PRSS12: variants seen among roughly 807,000 people sequenced by gnomAD.
The protein encoded by PRSS12 is neurotrypsin.
A neutral mutation model predicts 104.4 loss-of-function variants in PRSS12; 85 were observed. The ratio of observed to expected loss-of-function variants is 0.81; its 90% CI spans 0.68 to 0.98. The LOEUF (loss-of-function observed/expected upper bound fraction) is 0.98. Ranked by LOEUF, PRSS12 falls within the 50% of genes least tolerant of loss-of-function variation. The pLI, the probability that PRSS12 is intolerant of heterozygous loss-of-function variation, is 0.00. For missense variants in PRSS12, 1,141 were observed against 1,139.2 expected (o/e 1.00, Z -0.02); for synonymous variants, 454 against 425.2 (o/e 1.07, Z -0.83).
intron 5 of PRSS12, among the ~76,000 whole-genome samples, chr4:118,316,837 A>AAAAATATAT (rs35698159): frequency 1.2e-3 from 117 of 99,172 alleles, no homozygotes; most frequent in South Asian, 5.4e-3. Flanking sequence ...AAAAAAAAAA[A>AAAAATATAT]ATATATATAT....
At chr4:118,326,106 A>G (rs953976202) in intron 4 of PRSS12, among the ~76,000 whole-genome samples, 2 of 152,232 alleles carry the variant, frequency 1.3e-5, no homozygotes, top group Admixed American at 6.5e-5. Context: ...TACTGCTTTG[A>G]GGTAGACCTA....
intron 1 of PRSS12, among the ~76,000 whole-genome samples, chr4:118,343,159 C>A (rs986587210): frequency 2.6e-5 from 4 of 151,836 alleles, no homozygotes; most frequent in African/African-American, 7.3e-5. Context: ...GAGGCCAAGG[C>A]AGGAGGACTG....
chr4:118,282,696 C>G, intron 12 of PRSS12, 135 bp downstream of exon 12: 1 of 1,156,120 alleles, frequency 8.6e-7, no homozygotes, highest in South Asian at 1.2e-5. Flanking sequence ...CAATTACATG[C>G]ATGCATTTCA....
intron 1 of PRSS12, 80 bp downstream of exon 1, chr4:118,352,139 A>T (rs1360344935): frequency 1.3e-6 from 2 of 1,572,854 alleles, no homozygotes; most frequent in Admixed American, 1.8e-5. Context: ...CACTTTTTCC[A>T]AGAGACCTGT....
chr4:118,318,164 A>C (rs111609187), intron 5 of PRSS12, among the ~76,000 whole-genome samples: 7 of 152,362 alleles, frequency 4.6e-5, no homozygotes, highest in African/African-American at 1.4e-4. Context: ...TAGCTTTACA[A>C]GACTATATAG....
chr4:118,327,284 T>A (rs1338249577), intron 4 of PRSS12, among the ~76,000 whole-genome samples: 2 of 152,108 alleles, frequency 1.3e-5, no homozygotes, highest in Non-Finnish European at 2.9e-5. Context: ...TCTGAGTAGC[T>A]GGGACCACCA....
At position 118,280,894 on chromosome 4, in the gene PRSS12, A is replaced by C. The variant is rs1471997412; in HGVS notation, c.*1042T>G. Reference sequence around the variant, plus strand: ...CCCCCATTTGAAAACAAGGGCTACTACCATAAGATTTACTGGCCTTTTGCA... The same window carrying C: ...CCCCCATTTGAAAACAAGGGCTACTCCCATAAGATTTACTGGCCTTTTGCA... On this transcript the variant is annotated 3_prime_UTR_variant, in exon 13 of 13. Transcript: ENST00000296498. The C allele has an allele frequency of 6.6e-6, 1 of 152,238 alleles. No homozygotes were observed. Among genetic ancestry groups the C allele is most frequent in the Non-Finnish European group, 1.5e-5 (1 of 68,048 alleles). 9.4% of individuals were successfully genotyped at this position (152,238 alleles called of 1,614,324 possible).
At chr4:118,313,977 A>G (rs1743830666) in intron 6 of PRSS12, among the ~76,000 whole-genome samples, 1 of 152,220 alleles carries the variant, frequency 6.6e-6, no homozygotes, top group Non-Finnish European at 1.5e-5. Flanking sequence ...TTGTGTTCCA[A>G]TTGAGTGTAT....
intron 2 of PRSS12, among the ~76,000 whole-genome samples, chr4:118,337,298 C>T (rs1482255711): frequency 4.6e-5 from 7 of 151,960 alleles, no homozygotes; most frequent in Non-Finnish European, 5.9e-5. Context: ...TCCATGCTTT[C>T]TAAAGACCTC....
Position 118,352,852 on chromosome 4 carries a change from C to T in PRSS12, c.-132G>A. 1 of 1,476,370 alleles carries T rather than the reference C, an allele frequency of 6.8e-7. No homozygotes were observed. Among genetic ancestry groups the T allele is most frequent in the Non-Finnish European group, 9.0e-7 (1 of 1,113,720 alleles). 91.5% of individuals were successfully genotyped at this position (1,476,370 alleles called of 1,614,324 possible). The stretch of plus-strand genomic sequence containing the variant: ...CCCCCTCCCGCCCCCGCACGCGGAC[C>T]GCCCTCGCCTCCCCAACCTTGCCTC... On this transcript the variant is annotated 5_prime_UTR_variant, in exon 1 of 13. Transcript: ENST00000296498.
chr4:118,342,034 G>A (rs1227627580), intron 1 of PRSS12, among the ~76,000 whole-genome samples: 1 of 152,216 alleles, frequency 6.6e-6, no homozygotes, highest in Non-Finnish European at 1.5e-5. Context: ...GAACAGGAGA[G>A]AAGTGGCTTT....
chr4:118,352,928 G>A lies in PRSS12; in HGVS notation c.-208C>T. The A allele has an allele frequency of 7.7e-7, 1 of 1,301,710 alleles. No homozygotes were observed. Among genetic ancestry groups the A allele is most frequent in the Non-Finnish European group, 1.0e-6 (1 of 1,004,474 alleles). 80.6% of individuals were successfully genotyped at this position (1,301,710 alleles called of 1,614,324 possible). A position where few individuals can be genotyped will look rare whatever the true frequency, so the allele number is the denominator to read the frequency against. On this transcript the variant is annotated 5_prime_UTR_variant, in exon 1 of 13. Coordinates refer to ENST00000296498, the MANE Select transcript of PRSS12 (RefSeq NM_003619.4). ...CGGCTCCTGTCCCCTGGCGGCGGCC[G>A]CGGGTGGGGAAATCTGGAGCTCAGC...
At chr4:118,313,964 T>C (rs1034176071) in intron 6 of PRSS12, among the ~76,000 whole-genome samples, 3 of 152,250 alleles carry the variant, frequency 2.0e-5, no homozygotes, top group Non-Finnish European at 2.9e-5. Flanking sequence ...TTATCAATTA[T>C]ATTTGTGTTC....
intron 1 of PRSS12, among the ~76,000 whole-genome samples, chr4:118,340,150 T>A (rs1414151494): frequency 6.6e-6 from 1 of 152,190 alleles, no homozygotes; most frequent in Non-Finnish European, 1.5e-5. Context: ...TAAAGTATAA[T>A]TATGACCATA....
chr4:118,320,596 T>C lies in PRSS12; in HGVS notation c.972-2040A>G, dbSNP rs532580336. ...GCAAAACCCCATCTGTACAAAAACATACAAAAATTAGCCAGGTGTGGTGGC... is the reference window on the plus strand; with the variant it reads ...GCAAAACCCCATCTGTACAAAAACACACAAAAATTAGCCAGGTGTGGTGGC... On this transcript the variant is annotated intron_variant, in intron 4 of 12. Transcript: ENST00000296498. Among the ~76,000 whole-genome samples, 3 of 151,770 alleles carry C rather than the reference T, an allele frequency of 2.0e-5. No individual in the cohort carries two copies. The South Asian group carries it at 6.3e-4, about 32-fold the overall frequency.
At chr4:118,352,186 C>T (rs776137136) in intron 1 of PRSS12, 33 bp downstream of exon 1, 4 of 1,609,268 alleles carry the variant, frequency 2.5e-6, no homozygotes, top group African/African-American at 1.3e-5. Context: ...CGAGCCCGTC[C>T]GGAGTTTCCG....
chr4:118,339,291 G>C (rs1254949952), intron 1 of PRSS12, among the ~76,000 whole-genome samples: 1 of 151,972 alleles, frequency 6.6e-6, no homozygotes, highest in Admixed American at 6.6e-5. Flanking sequence ...CCTTTCACAG[G>C]TAAGAAAATT....
At chr4:118,297,902 T>G (rs1454948127) in intron 9 of PRSS12, among the ~76,000 whole-genome samples, 1 of 151,786 alleles carries the variant, frequency 6.6e-6, no homozygotes, top group African/African-American at 2.4e-5. Context: ...CTTCAGGAGG[T>G]TGAGGTGGGC....
At chr4:118,341,458 G>A (rs1170369738) in intron 1 of PRSS12, among the ~76,000 whole-genome samples, 1 of 152,100 alleles carries the variant, frequency 6.6e-6, no homozygotes, top group Admixed American at 6.5e-5. Context: ...CGAGGTGGGT[G>A]GATCACCTGA....
Sources: gnomAD v4.1 joint callset for allele counts (sites outside exome capture counted in the v4.1 genomes callset) on GRCh38, gnomAD v4.1.1 for gene constraint, MANE v1.5 for transcripts, NCBI Gene and HGNC (gene_info 2026-07-23, HGNC 2026-07-21) for gene names.